SFPQ: variants seen among roughly 807,000 people sequenced by gnomAD.
SFPQ encodes splicing factor, proline- and glutamine-rich.
Under a neutral mutation model 72.9 loss-of-function variants are expected in SFPQ, and 11 were observed. The observed-to-expected ratio is 0.15, with a 90% confidence interval of 0.09 to 0.25. The LOEUF (loss-of-function observed/expected upper bound fraction) is 0.25, where lower values mean the gene tolerates loss of function less well. Ranked by LOEUF, SFPQ falls within the 10% of genes least tolerant of loss-of-function variation. The pLI is 1.00. For missense variants in SFPQ, 847 were observed against 993.3 expected, an observed-to-expected ratio of 0.85 and a Z score of 1.98; for synonymous variants, 506 against 367.3, an observed-to-expected ratio of 1.38 and a Z score of -4.32.
Position 35,192,849 on chromosome 1 carries a change from T to C in SFPQ, c.201A>G (p.Gln67=), listed in dbSNP as rs763930066. ...GCTGCGGTGGTGGCTGTTGCTGCTG[T>C]TGGTGTGGAGGCGGTGGCGGGATCG... The part of the protein sequence containing the change: ...KPPIPPPPPH[Q]QQQQPPPQQP... Residue 67 remains glutamine, a synonymous_variant, in exon 1 of 10, where the codon CAA becomes CAG. Transcript: ENST00000357214. The C allele has an allele frequency of 4.1e-5, 63 of 1,532,084 alleles. No individual in the cohort carries two copies. Among genetic ancestry groups the C allele is most frequent in the Admixed American group, 1.2e-4 (6 of 51,536 alleles). The allele number at this position is 1,532,084 out of a possible 1,614,324, so 94.9% of individuals were successfully genotyped here.
In SFPQ at chr1:35,192,829, G is replaced by T; in HGVS notation, c.221C>A (p.Pro74Gln). The T allele has an allele frequency of 2.6e-6, 4 of 1,515,962 alleles. No individual in the cohort carries two copies. Among genetic ancestry groups the T allele is most frequent in the Non-Finnish European group, 2.6e-6 (3 of 1,139,068 alleles). The allele number at this position is 1,515,962 out of a possible 1,614,324, so 93.9% of individuals were successfully genotyped here. A position where few individuals can be genotyped will look rare whatever the true frequency, so the allele number is the denominator to read the frequency against. Residue 74 changes from proline (P) to glutamine (Q), a missense_variant, in exon 1 of 10, where the codon CCG becomes CAG. Coordinates refer to ENST00000357214, the MANE Select transcript of SFPQ (RefSeq NM_005066.3). The stretch of plus-strand genomic sequence containing the variant: ...CGGCTGCTGCGGCGGTGGCTGCTGC[G>T]GTGGTGGCTGTTGCTGCTGTTGGTG... The part of the protein sequence containing the change: ...PPHQQQQQPP[P>Q]QQPPPQQPPP...
chr1:35,187,768 C>CA (rs773982690), intron 7 of SFPQ, among the ~76,000 whole-genome samples: 5 of 151,114 alleles, frequency 3.3e-5, no homozygotes, highest in Admixed American at 6.6e-5. Context: ...CAAAACAAAA[C>CA]AAAAAAACCA....
At chr1:35,192,118 C>T (rs899090012) in intron 1 of SFPQ, 104 bp downstream of exon 1, 7 of 1,004,626 alleles carry the variant, frequency 7.0e-6, no homozygotes, top group Non-Finnish European at 9.0e-6. Context: ...CGCAAGCGCC[C>T]CTTCCGGCAG....
intron 1 of SFPQ, 110 bp from the exon 2 acceptor site, chr1:35,191,639 G>T: frequency 1.3e-6 from 1 of 797,142 alleles, no homozygotes; most frequent in Non-Finnish European, 2.0e-6. Context: ...TGTTCCGTTT[G>T]GTCAAAATCA....
rs1282360569 is a variant in SFPQ, at chr1:35,192,274, G to A, written c.776C>T (p.Pro259Leu). The change falls in exon 1 of 10, where the codon CCC (proline) becomes CTC (leucine). Residue 259 changes from proline to leucine, a missense_variant. By Grantham distance (98) the Pro-to-Leu change is moderately conservative. This residue lies in a region of SFPQ where 498 missense variants were observed against 405.1 expected (regional missense o/e 1.23). Transcript: ENST00000357214. ...PPYHQQHHQGPPPGGPGGRSE... is the reference protein window; with the variant it reads ...PPYHQQHHQGLPPGGPGGRSE... ...GCGGCCGCCGGGCCCGCCGGGCGGG[G>A]GCCCCTGGTGATGCTGCTGGTGGTA... 3 of 1,462,536 alleles carry A rather than the reference G, an allele frequency of 2.1e-6. No individual in the cohort carries two copies. The highest frequency in any genetic ancestry group is 2.3e-4 in the Middle Eastern group (1 of 4,382). 90.6% of individuals were successfully genotyped at this position (1,462,536 alleles called of 1,614,324 possible). A position where few individuals can be genotyped will look rare whatever the true frequency, so the allele number is the denominator to read the frequency against.
chr1:35,186,918 A>AAAAAC (rs781669274), intron 9 of SFPQ, 83 bp downstream of exon 9: 87 of 1,461,566 alleles, frequency 6.0e-5, no homozygotes, highest in Admixed American at 2.2e-4. Flanking sequence ...ACCTACTTAA[A>AAAAAC]AAAACAAAAC....
Position 35,192,969 on chromosome 1 carries a change from G to T in SFPQ, c.81C>A (p.Gly27=), listed in dbSNP as rs967956530. 1 of 1,570,776 alleles carries T rather than the reference G, an allele frequency of 6.4e-7. No homozygotes were observed. The part of the protein sequence containing the change: ...HRRGGGGGRG[G]LHDFRSPPPG... ...GCGGCGGAGAACGGAAGTCGTGGAG[G>T]CCGCCGCGGCCGCCGCCTCCTCCAC... The change falls in exon 1 of 10, where the codon GGC becomes GGA. Residue 27 remains glycine, a synonymous_variant. Coordinates refer to ENST00000357214, the MANE Select transcript of SFPQ (RefSeq NM_005066.3).
chr1:35,189,474 C>T (rs1570132875), intron 4 of SFPQ, 92 bp from the exon 5 acceptor site: 1 of 1,097,970 alleles, frequency 9.1e-7, no homozygotes, highest in South Asian at 1.7e-5. Context: ...TGTTCTATTT[C>T]TTGTAAAGAG....
At chr1:35,186,911 T>C in intron 9 of SFPQ, 90 bp downstream of exon 9, 2 of 1,336,462 alleles carry the variant, frequency 1.5e-6, no homozygotes, top group South Asian at 2.8e-5. Flanking sequence ...TCCAGTCACC[T>C]ACTTAAAAAA....
At chr1:35,186,955 T>G (rs200210948) in intron 9 of SFPQ, 46 bp downstream of exon 9, 5 of 1,568,416 alleles carry the variant, frequency 3.2e-6, no homozygotes, top group Non-Finnish European at 4.3e-6. Context: ...ACCTAAGTTG[T>G]GAAAATGAGA....
chr1:35,189,861 G>A (rs538388189), intron 4 of SFPQ, among the ~76,000 whole-genome samples: 3 of 152,168 alleles, frequency 2.0e-5, no homozygotes, highest in South Asian at 4.1e-4. Flanking sequence ...TGAGGCAGGA[G>A]AATCACTTGA....
At chr1:35,189,674 C>T (rs147918326) in intron 4 of SFPQ, among the ~76,000 whole-genome samples, 442 of 152,262 alleles carry the variant, frequency 2.9e-3, no homozygotes, top group African/African-American at 9.0e-3. Flanking sequence ...GTAGGCCACA[C>T]GCGGTGGCTC....
rs1490834098 is a variant in SFPQ at position 35,192,937 on chromosome 1, A to T, written c.113T>A (p.Met38Lys). The change falls in exon 1 of 10, where the codon ATG becomes AAG. Residue 38 changes from methionine to lysine, a missense_variant. Met to Lys is a moderately conservative substitution (Grantham distance 95). Transcript: ENST00000357214. ...GGGGCCGCGATTCTGATTGAGGCCC[A>T]TGCCGGGCGGCGGAGAACGGAAGTC... ...LHDFRSPPPG[M>K]GLNQNRGPMG... The T allele has an allele frequency of 1.3e-6, 2 of 1,578,720 alleles. No individual in the cohort carries two copies. The highest frequency in any genetic ancestry group is 1.4e-5 in the African/African-American group (1 of 73,878).
intron 9 of SFPQ, among the ~76,000 whole-genome samples, chr1:35,186,402 T>C (rs1206395750): frequency 6.6e-6 from 1 of 152,178 alleles, no homozygotes; most frequent in African/African-American, 2.4e-5. Context: ...TTAAAAATTG[T>C]TGATTTTTGC....
chr1:35,190,435 C>A (rs935850388), intron 4 of SFPQ, 63 bp downstream of exon 4: 1 of 1,195,218 alleles, frequency 8.4e-7, no homozygotes, highest in Non-Finnish European at 1.2e-6. Context: ...TGGAAAATCA[C>A]TAAAATAAAT....
downstream of SFPQ, chr1:35,179,651 C>T (rs796085969): frequency 1.9e-5 from 20 of 1,055,598 alleles, no homozygotes; most frequent in African/African-American, 3.0e-4. Context: ...ACTAACGTCA[C>T]AAGTTTCTCA....
downstream of SFPQ, chr1:35,181,623 A>G: frequency 2.8e-6 from 3 of 1,060,372 alleles, no homozygotes; most frequent in Non-Finnish European, 3.4e-6. Context: ...AGATTAGGAG[A>G]AGTATAAAAA....
At position 35,189,423 on chromosome 1, in the gene SFPQ, T is replaced by TGCATG. The variant is rs771547469; in HGVS notation, c.1416-42_1416-41insCATGC. The TGCATG allele has an allele frequency of 1.1e-5, 17 of 1,491,712 alleles. No homozygotes were observed. In the South Asian group the frequency reaches 2.0e-4, roughly 17 times the overall value. The allele number at this position is 1,491,712 out of a possible 1,614,324, so 92.4% of individuals were successfully genotyped here. A position where few individuals can be genotyped will look rare whatever the true frequency, so the allele number is the denominator to read the frequency against. ...ATTTTAACATGAACCGATTTGTGAA[T>TGCATG]GCATACCAGAAAATACTTGCCCTAG... On this transcript the variant is annotated intron_variant, in intron 4 of 9. Transcript: ENST00000357214.
downstream of SFPQ, chr1:35,181,628 TAAA>T (rs1297828823): frequency 1.9e-6 from 2 of 1,060,346 alleles, no homozygotes; most frequent in African/African-American, 1.6e-5. Context: ...AGGAGAAGTA[TAAA>T]AAACAACCAG....
Sources: gnomAD v4.1 joint callset for allele counts (sites outside exome capture counted in the v4.1 genomes callset) on GRCh38, gnomAD v4.1.1 for gene constraint, gnomAD v4.1.1 regional missense constraint, MANE v1.5 for transcripts, NCBI Gene and HGNC (gene_info 2026-07-23, HGNC 2026-07-21) for gene names.